Variants in LYST observed in about 807,000 individuals in gnomAD.
The protein encoded by LYST is lysosomal-trafficking regulator.
LYST carries 192 observed loss-of-function variants against 413.6 expected under a neutral mutation model. The ratio of observed to expected loss-of-function variants is 0.46; its 90% CI spans 0.41 to 0.52. The LOEUF (loss-of-function observed/expected upper bound fraction) is 0.52, where lower values mean the gene tolerates loss of function less well. LYST is among the 20% of genes least tolerant of loss of function. The pLI, the probability that LYST is intolerant of heterozygous loss-of-function variation, is 0.00. For synonymous variants in LYST, 1,525 were observed against 1,567.3 expected, an observed-to-expected ratio of 0.97 and a Z score of 0.64; for missense variants, 3,815 against 4,499.9, an observed-to-expected ratio of 0.85 and a Z score of 4.35.
chr1:235,810,524 T>C lies in LYST; in HGVS notation c.294A>G (p.Leu98=), dbSNP rs1673351363. ...TCAGGATTATATCTGCTGAGAGCGG[T>C]AGGTTAAAATCTAATGGAATGAAAA... ...VQEEKATDFN[L]PLSADIILTK... The change falls in exon 5 of 53, where the codon CTA becomes CTG. Residue 98 remains leucine (L), a synonymous_variant. Transcript: ENST00000389793. The C allele has an allele frequency of 6.2e-7, 1 of 1,611,162 alleles. No individual in the cohort carries two copies. The highest frequency in any genetic ancestry group is 1.1e-5 in the South Asian group (1 of 91,072).
rs188422203 is a variant in LYST, at chr1:235,702,611, G to A, written c.10374+136C>T. The A allele has an allele frequency of 3.0e-3, 2,262 of 757,548 alleles. 6 individuals are homozygous for A. Among genetic ancestry groups the A allele is most frequent in the Non-Finnish European group, 4.9e-3 (2,089 of 429,124 alleles). 46.9% of individuals were successfully genotyped at this position (757,548 alleles called of 1,614,324 possible). A position where few individuals can be genotyped will look rare whatever the true frequency, so the allele number is the denominator to read the frequency against. On this transcript the variant is annotated intron_variant, in intron 45 of 52. Transcript: ENST00000389793. The stretch of plus-strand genomic sequence containing the variant: ...TTACCTCGCACAGGATTCTGCTTTC[G>A]CTGCTGCACCTGTCTTGCACTGACT...
At chr1:235,701,569 AG>A (rs1661553538) in intron 45 of LYST, among the ~76,000 whole-genome samples, 1 of 152,180 alleles carries the variant, frequency 6.6e-6, no homozygotes, top group Non-Finnish European at 1.5e-5. Flanking sequence ...CAGAGGTTGC[AG>A]TGAGCCGAGA....
chr1:235,712,318 C>T (rs1381178658), intron 42 of LYST, 121 bp from the exon 43 acceptor site: 16 of 743,560 alleles, frequency 2.2e-5, no homozygotes, highest in Non-Finnish European at 3.0e-5. Context: ...TTTGTTTGCC[C>T]ATAGTTTAAA....
Position 235,806,653 on chromosome 1 carries a change from C to T in LYST, c.2483G>A (p.Gly828Glu), listed in dbSNP as rs1572328595. The T allele has an allele frequency of 6.2e-7, 1 of 1,613,896 alleles. No homozygotes were observed. The highest frequency in any genetic ancestry group is 8.5e-7 in the Non-Finnish European group (1 of 1,179,878). ...KAFETLIISL[G>E]EQQKDASVPD... The stretch of plus-strand genomic sequence containing the variant: ...AACTGAGGCATCTTTCTGTTGCTCC[C>T]CTAGGCTGATTATCAGAGTTTCAAA... Residue 828 changes from glycine to glutamate, a missense_variant, in exon 6 of 53, where the codon GGG (glycine) becomes GAG (glutamate). Gly to Glu is a moderately conservative substitution (Grantham distance 98). Around this residue, in one of 4 missense-constraint regions of LYST, gnomAD observed 1,648 missense variants for 1,810.3 expected, o/e 0.91. Coordinates refer to ENST00000389793, the MANE Select transcript of LYST (RefSeq NM_000081.4).
chr1:235,704,617 C>A (rs1040517269), intron 44 of LYST, among the ~76,000 whole-genome samples: 4 of 151,940 alleles, frequency 2.6e-5, no homozygotes, highest in African/African-American at 9.7e-5. Flanking sequence ...TTTTCTTATA[C>A]ATTTGTTTAA....
At chr1:235,867,086 G>A (rs1309169627), upstream of LYST, among the ~76,000 whole-genome samples, 1 of 152,204 alleles carries the variant, frequency 6.6e-6, no homozygotes, top group Admixed American at 6.5e-5. Flanking sequence ...CGGCGTCGCA[G>A]GCGTGACGCG....
chr1:235,718,454 T>C (rs1245603064), intron 40 of LYST, among the ~76,000 whole-genome samples: 3 of 151,910 alleles, frequency 2.0e-5, no homozygotes, highest in African/African-American at 7.3e-5. Context: ...GTGATTTTCA[T>C]GCCTCAGCTT....
At position 235,809,282 on chromosome 1, in the gene LYST, A is replaced by T. The variant is rs774419277; in HGVS notation, c.1536T>A (p.His512Gln). 2.2e-5 allele frequency: 36 copies of T among 1,613,918 alleles called. No homozygotes were observed. Among genetic ancestry groups the T allele is most frequent in the Non-Finnish European group, 2.8e-5 (33 of 1,179,972 alleles). ...RRCEYSHFMH[H>Q]HRDLSGLLVS... ...CCAGAAGACCTGAGAGATCTCGGTGATGATGCATAAAATGAGAATATTCAC... is the reference window on the plus strand; with the variant it reads ...CCAGAAGACCTGAGAGATCTCGGTGTTGATGCATAAAATGAGAATATTCAC... Residue 512 changes from histidine (H) to glutamine (Q), a missense_variant, in exon 5 of 53, where the codon CAT (histidine) becomes CAA (glutamine). Coordinates refer to ENST00000389793, the MANE Select transcript of LYST (RefSeq NM_000081.4). This position sits in a 1 kb window ranked among gnomAD's most constrained non-coding sequence, Gnocchi z 4.0.
chr1:235,799,318 G>C (rs1488067083), intron 10 of LYST, among the ~76,000 whole-genome samples: 1 of 151,968 alleles, frequency 6.6e-6, no homozygotes, highest in East Asian at 1.9e-4. Flanking sequence ...ATGAGAAAAA[G>C]TACATTTACA....
rs142230053 is a variant in LYST, at chr1:235,694,834, T to C, written c.10565-1348A>G. Among the ~76,000 whole-genome samples, 454 of 152,172 alleles carry C rather than the reference T, an allele frequency of 3.0e-3. 1 individual carries two copies. The highest frequency in any genetic ancestry group is 9.9e-3 in the African/African-American group (413 of 41,548). On this transcript the variant is annotated intron_variant, in intron 46 of 52. Coordinates refer to ENST00000389793, the MANE Select transcript of LYST (RefSeq NM_000081.4). ...CATTCCAGTACCACAAGAGGCATCA[T>C]CTTTTTTTTTTTCTTTCAGAAAAAG...
chr1:235,867,075 C>G (rs954016739), upstream of LYST, among the ~76,000 whole-genome samples: 1 of 152,158 alleles, frequency 6.6e-6, no homozygotes, highest in Non-Finnish European at 1.5e-5. Flanking sequence ...GAGGGCAGCG[C>G]CGGCGTCGCA....
intron 29 of LYST, 83 bp from the exon 30 acceptor site, chr1:235,744,240 T>C: frequency 1.3e-6 from 1 of 750,108 alleles, no homozygotes. Context: ...TGGTAAAAAA[T>C]ATTGTATTTA....
intron 50 of LYST, among the ~76,000 whole-genome samples, chr1:235,676,226 A>T (rs566826609): frequency 3.9e-5 from 6 of 152,322 alleles, no homozygotes; most frequent in Admixed American, 3.3e-4. Flanking sequence ...TCTCTGTCTG[A>T]ACCTGGAAGA....
At chr1:235,778,232 C>T (rs2489153) in intron 16 of LYST, among the ~76,000 whole-genome samples, 1 of 151,244 alleles carries the variant, frequency 6.6e-6, no homozygotes, top group African/African-American at 2.4e-5. Context: ...AGGCATGAAT[C>T]TTGGTGTCTG....
upstream of LYST, chr1:235,867,024 C>T (rs1344823800): frequency 6.5e-6 from 1 of 152,680 alleles, no homozygotes; most frequent in Admixed American, 6.5e-5. Context: ...GCGCGTGCGC[C>T]CTTGGCTCCG....
At chr1:235,780,117 G>T (rs1669695523) in intron 16 of LYST, among the ~76,000 whole-genome samples, 1 of 152,082 alleles carries the variant, frequency 6.6e-6, no homozygotes, top group South Asian at 2.1e-4. Flanking sequence ...TAAATAATAA[G>T]TTTTTTAGGC....
At chr1:235,720,173 C>CAA (rs71576484) in intron 40 of LYST, among the ~76,000 whole-genome samples, 368 of 9,470 alleles carry the variant, frequency 0.039, 93 homozygotes, top group African/African-American at 0.069. Context: ...GACTCTGTCT[C>CAA]AAAAAAAAAA....
intron 1 of LYST, among the ~76,000 whole-genome samples, chr1:235,849,134 C>T (rs570335364): frequency 1.3e-5 from 2 of 152,076 alleles, no homozygotes; most frequent in Admixed American, 1.3e-4. Flanking sequence ...TACTAGCTAA[C>T]CAAATCCAAG....
chr1:235,806,681 C>T lies in LYST; in HGVS notation c.2455G>A (p.Ala819Thr), dbSNP rs141083628. 1.4e-4 allele frequency: 225 copies of T among 1,613,456 alleles called. No individual in the cohort carries two copies. The highest frequency in any genetic ancestry group is 4.9e-4 in the Middle Eastern group (3 of 6,080). The change falls in exon 6 of 53, where the codon GCA (alanine) becomes ACA (threonine). Residue 819 changes from alanine (A) to threonine (T), a missense_variant. Transcript: ENST00000389793. ...AGGCTGATTATCAGAGTTTCAAATGCTTTTAGAGAATGACTTCGAATACCA... is the reference window on the plus strand; with the variant it reads ...AGGCTGATTATCAGAGTTTCAAATGTTTTTAGAGAATGACTTCGAATACCA... ...LNGIRSHSLK[A>T]FETLIISLGE...
Sources: allele counts gnomAD v4.1 joint callset (sites outside exome capture counted in the v4.1 genomes callset), GRCh38; gene constraint gnomAD v4.1.1; regional missense constraint gnomAD v4.1.1; non-coding constraint Gnocchi (gnomAD v3.1); transcripts MANE v1.5; gene names NCBI Gene and HGNC (gene_info 2026-07-23, HGNC 2026-07-21).